SFMBT2: variants seen among roughly 807,000 people sequenced by gnomAD.
SFMBT2 encodes Scm like with four mbt domains 2, also known as scm-like with four MBT domains protein 2.
A neutral mutation model predicts 110.1 loss-of-function variants in SFMBT2; 38 were observed. That is an observed-to-expected ratio of 0.35 (90% CI 0.27 to 0.45). The LOEUF is 0.45. SFMBT2 is among the 20% of genes least tolerant of loss of function. The probability of loss-of-function intolerance (pLI) is 1.00; values close to 1 mark genes in which losing one functional copy is unlikely to be tolerated. For synonymous variants in SFMBT2, 425 were observed against 425.4 expected, an observed-to-expected ratio of 1.00 and a Z score of 0.01; for missense variants, 1,011 against 1,094.9, an observed-to-expected ratio of 0.92 and a Z score of 1.08.
At chr10:7,166,829 A>G (rs1034445535) in intron 20 of SFMBT2, among the ~76,000 whole-genome samples, 30 of 152,200 alleles carry the variant, frequency 2.0e-4, no homozygotes, top group African/African-American at 7.2e-4. Flanking sequence ...GAGACACCAA[A>G]GGTAAAATCA....
chr10:7,272,553 T>C (rs770983276), intron 7 of SFMBT2, among the ~76,000 whole-genome samples: 1 of 152,108 alleles, frequency 6.6e-6, no homozygotes, highest in Non-Finnish European at 1.5e-5. Context: ...GCCTCCCTGA[T>C]CCCTGTCTCA....
chr10:7,297,160 G>C (rs1588427463), intron 4 of SFMBT2, among the ~76,000 whole-genome samples: 1 of 152,210 alleles, frequency 6.6e-6, no homozygotes, highest in Non-Finnish European at 1.5e-5. Context: ...TCCTAGAAAA[G>C]GGAAAACAGC....
At chr10:7,325,240 T>C (rs79971133) in intron 4 of SFMBT2, among the ~76,000 whole-genome samples, 6,940 of 152,074 alleles carry the variant, frequency 0.046, 226 homozygotes, top group Non-Finnish European at 0.074. Flanking sequence ...AATGCTGGGA[T>C]TACACGCCTG....
At chr10:7,320,293 A>G (rs1042499933) in intron 4 of SFMBT2, among the ~76,000 whole-genome samples, 3 of 152,156 alleles carry the variant, frequency 2.0e-5, no homozygotes, top group Non-Finnish European at 4.4e-5. Context: ...ACTTTTATCT[A>G]GTTCTTCCTC....
chr10:7,167,256 C>A (rs1320431336), intron 20 of SFMBT2, among the ~76,000 whole-genome samples: 1 of 152,158 alleles, frequency 6.6e-6, no homozygotes, highest in Non-Finnish European at 1.5e-5. Flanking sequence ...CTGATGAAAG[C>A]TGAATACATA....
At chr10:7,284,287 C>G in intron 5 of SFMBT2, 137 bp from the exon 6 acceptor site, 2 of 1,462,018 alleles carry the variant, frequency 1.4e-6, no homozygotes, top group African/African-American at 1.4e-5. Flanking sequence ...CCCTCCACCC[C>G]ATCCTTGCCC....
intron 20 of SFMBT2, among the ~76,000 whole-genome samples, chr10:7,164,809 C>T (rs1339196032): frequency 6.6e-6 from 1 of 151,700 alleles, no homozygotes; most frequent in Non-Finnish European, 1.5e-5. Flanking sequence ...CAGACACACA[C>T]TCCCCAGAGC....
At chr10:7,266,065 T>G (rs182172294) in intron 7 of SFMBT2, among the ~76,000 whole-genome samples, 6 of 151,576 alleles carry the variant, frequency 4.0e-5, no homozygotes, top group African/African-American at 1.5e-4. Context: ...GAAGGGGAGA[T>G]AGTGGAACAG....
At chr10:7,356,757 C>T (rs1844528313) in intron 4 of SFMBT2, among the ~76,000 whole-genome samples, 1 of 152,176 alleles carries the variant, frequency 6.6e-6, no homozygotes, top group South Asian at 2.1e-4. Context: ...GAACCCTGTA[C>T]CCGGAAGTAC....
intron 4 of SFMBT2, among the ~76,000 whole-genome samples, chr10:7,338,019 G>T (rs1843769454): frequency 6.6e-6 from 1 of 152,120 alleles, no homozygotes; most frequent in Non-Finnish European, 1.5e-5. Context: ...ACACTTTGAT[G>T]TCTCCACTAT....
intron 6 of SFMBT2, among the ~76,000 whole-genome samples, chr10:7,283,349 C>T (rs1037490283): frequency 1.3e-5 from 2 of 152,174 alleles, no homozygotes; most frequent in Non-Finnish European, 2.9e-5. Context: ...ACATGATGGT[C>T]TATCTACTCA....
chr10:7,323,383 G>A (rs1371110033), intron 4 of SFMBT2, among the ~76,000 whole-genome samples: 7 of 149,738 alleles, frequency 4.7e-5, no homozygotes, highest in African/African-American at 9.9e-5. Context: ...CCCAGGAGGC[G>A]GAGGTTGCAG....
intron 4 of SFMBT2, among the ~76,000 whole-genome samples, chr10:7,313,130 G>A (rs1842903296): frequency 3.3e-5 from 5 of 151,266 alleles, no homozygotes; most frequent in Admixed American, 2.6e-4. Flanking sequence ...AAGTCATGAA[G>A]AAAATAAATT....
chr10:7,176,233 C>G (rs1341844457), intron 16 of SFMBT2, 68 bp from the exon 17 acceptor site: 2 of 1,490,932 alleles, frequency 1.3e-6, no homozygotes, highest in Non-Finnish European at 1.8e-6. Context: ...TTCTGTACCA[C>G]ACATTCCGAA....
At chr10:7,202,388 C>T in intron 13 of SFMBT2, 92 bp downstream of exon 13, 2 of 1,511,840 alleles carry the variant, frequency 1.3e-6, no homozygotes, top group Non-Finnish European at 1.8e-6. Flanking sequence ...TGTTAGATAA[C>T]TCCAATAAAA....
At chr10:7,177,040 T>C (rs1355545728) in intron 16 of SFMBT2, among the ~76,000 whole-genome samples, 1 of 152,062 alleles carries the variant, frequency 6.6e-6, no homozygotes, top group East Asian at 1.9e-4. Context: ...GAAAGATTGC[T>C]CCAGGAACTA....
intron 4 of SFMBT2, among the ~76,000 whole-genome samples, chr10:7,362,152 T>C (rs1178429383): frequency 6.6e-6 from 1 of 152,202 alleles, no homozygotes; most frequent in Non-Finnish European, 1.5e-5. Context: ...GACGCTTTAA[T>C]GTCATATGTT....
chr10:7,170,296 G>T lies in SFMBT2; in HGVS notation c.2544+632C>A, dbSNP rs1455631698. 6.6e-6 allele frequency among the ~76,000 whole-genome samples: 1 copy of T among 152,220 alleles called. No individual in the cohort carries two copies. The highest frequency in any genetic ancestry group is 2.4e-5 in the African/African-American group (1 of 41,464). ...CAGATTTGCCAAAAGGCACTGACAG[G>T]AGGCTCAACCAAAACCAGTTCTCTC... On this transcript the variant is annotated intron_variant, in intron 20 of 20. Transcript: ENST00000397167. This position sits in a 1 kb window ranked among gnomAD's most constrained non-coding sequence, Gnocchi z 4.6.
chr10:7,219,608 T>C (rs1588351498), intron 11 of SFMBT2: 1 of 267,562 alleles, frequency 3.7e-6, no homozygotes, highest in East Asian at 1.8e-4. Context: ...TCATAAGATT[T>C]AAACTATGAA....
Sources: gnomAD v4.1 joint callset for allele counts (sites outside exome capture counted in the v4.1 genomes callset) on GRCh38, gnomAD v4.1.1 for gene constraint, Gnocchi (gnomAD v3.1) non-coding constraint, MANE v1.5 for transcripts, NCBI Gene and HGNC (gene_info 2026-07-23, HGNC 2026-07-21) for gene names.